ARHGAP8: variants seen among roughly 807,000 people sequenced by gnomAD.
ARHGAP8 encodes the protein rho GTPase-activating protein 8.
ARHGAP8 carries 62 observed loss-of-function variants against 46.1 expected under a neutral mutation model. The ratio of observed to expected loss-of-function variants is 1.34; its 90% CI spans 1.10 to 1.66. The LOEUF is 1.66. Ranked by LOEUF, ARHGAP8 falls within the 40% of genes most tolerant of loss-of-function variation. The probability of loss-of-function intolerance (pLI) is 0.00; values close to 1 mark genes in which losing one functional copy is unlikely to be tolerated. For synonymous variants in ARHGAP8, 375 were observed against 243.1 expected (o/e 1.54, Z -5.05); for missense variants, 923 against 568.4 (o/e 1.62, Z -6.34).
Position 44,838,140 on chromosome 22 carries a change from AT to A in ARHGAP8, c.597-7115del, listed in dbSNP as rs61131873. Among the ~76,000 whole-genome samples, 445 of 143,256 alleles carry A rather than the reference AT, an allele frequency of 3.1e-3. 2 individuals carry two copies. Among genetic ancestry groups the A allele is most frequent in the Middle Eastern group, 7.2e-3 (2 of 278 alleles). 94.0% of individuals were successfully genotyped at this position (143,256 alleles called of 152,430 possible). On this transcript the variant is annotated intron_variant, in intron 7 of 11. Coordinates refer to ENST00000356099, the MANE Select transcript of ARHGAP8 (RefSeq NM_181335.3). Reference sequence around the variant, plus strand: ...AGGAGTGCGCCACCATGCCTGGCTAATTTTTTTTTTTTTTGAAGACGGAGTC... The same window carrying A: ...AGGAGTGCGCCACCATGCCTGGCTAATTTTTTTTTTTTTGAAGACGGAGTC...
intron 2 of ARHGAP8, 96 bp from the exon 3 acceptor site, chr22:44,801,981 C>A (rs564755138): frequency 6.8e-7 from 1 of 1,464,010 alleles, no homozygotes; most frequent in South Asian, 1.2e-5. Context: ...CCTCCCAGCT[C>A]GGGCTGGACT....
rs117192128 is a variant in ARHGAP8 at position 44,776,497 on chromosome 22, A to G, written c.-71-9960A>G. On this transcript the variant is annotated intron_variant, in intron 1 of 11. Coordinates refer to ENST00000356099, the MANE Select transcript of ARHGAP8 (RefSeq NM_181335.3). ...AGTAGGCATCCTTGTACTTGTTAAA[A>G]TTATTCCTGTGTCTCCACTGTGGTG... Among the ~76,000 whole-genome samples, 970 of 152,304 alleles carry G rather than the reference A, an allele frequency of 6.4e-3. 6 individuals are homozygous for G. The highest frequency in any genetic ancestry group is 0.02 in the Middle Eastern group (6 of 294).
intron 1 of ARHGAP8, chr22:44,777,142 ACT>A (rs1385928948): frequency 2.0e-5 from 3 of 151,670 alleles, no homozygotes; most frequent in Non-Finnish European, 4.4e-5. Context: ...CTCCCGTAAC[ACT>A]CTGCTATTCT....
At chr22:44,812,432 C>T (rs1448208547) in intron 4 of ARHGAP8, among the ~76,000 whole-genome samples, 2 of 150,470 alleles carry the variant, frequency 1.3e-5, no homozygotes, top group Admixed American at 6.7e-5. Flanking sequence ...TCTTGGCTCA[C>T]GGCAACCTCT....
intron 5 of ARHGAP8, among the ~76,000 whole-genome samples, chr22:44,819,036 G>A (rs779691347): frequency 2.0e-5 from 3 of 151,994 alleles, no homozygotes; most frequent in Non-Finnish European, 2.9e-5. Flanking sequence ...AATGTTAGCT[G>A]CTAGTACTGT....
intron 7 of ARHGAP8, among the ~76,000 whole-genome samples, chr22:44,836,186 T>A (rs1300108891): frequency 6.6e-6 from 1 of 152,090 alleles, no homozygotes. Flanking sequence ...CTCCACCTCA[T>A]ACCAAATCAC....
intron 2 of ARHGAP8, among the ~76,000 whole-genome samples, chr22:44,792,746 T>C (rs1927784377): frequency 6.6e-6 from 1 of 151,998 alleles, no homozygotes; most frequent in East Asian, 1.9e-4. Context: ...TGAGTGACCA[T>C]ATGCTTGGCC....
At chr22:44,789,106 G>A (rs962605442) in intron 2 of ARHGAP8, among the ~76,000 whole-genome samples, 7 of 152,034 alleles carry the variant, frequency 4.6e-5, no homozygotes, top group Admixed American at 1.3e-4. Context: ...AGTTCAGTCC[G>A]TTTTTGCTTC....
intron 1 of ARHGAP8, among the ~76,000 whole-genome samples, chr22:44,775,233 C>A (rs1286785086): frequency 6.6e-6 from 1 of 152,204 alleles, no homozygotes; most frequent in Non-Finnish European, 1.5e-5. Flanking sequence ...TTTTCATACT[C>A]AGCACCAGCG....
intron 4 of ARHGAP8, among the ~76,000 whole-genome samples, chr22:44,810,832 G>A (rs1929281761): frequency 6.6e-6 from 1 of 152,164 alleles, no homozygotes; most frequent in Non-Finnish European, 1.5e-5. Context: ...AAGGAGGGAG[G>A]GGCACAGAGG....
intron 2 of ARHGAP8, among the ~76,000 whole-genome samples, chr22:44,792,021 C>CT (rs748389226): frequency 1.2e-4 from 9 of 78,132 alleles, no homozygotes; most frequent in African/African-American, 2.6e-4. Context: ...TTCTTTCTTT[C>CT]TTTTTTTTTT....
intron 7 of ARHGAP8, among the ~76,000 whole-genome samples, chr22:44,830,703 A>AT (rs1356458842): frequency 6.6e-6 from 1 of 151,122 alleles, no homozygotes; most frequent in African/African-American, 2.4e-5. Context: ...TGCCCAACTA[A>AT]TTTTTTTGTA....
chr22:44,841,429 C>T (rs566734693), intron 7 of ARHGAP8, among the ~76,000 whole-genome samples: 1 of 152,194 alleles, frequency 6.6e-6, no homozygotes, highest in Non-Finnish European at 1.5e-5. Context: ...GCAGAGGTGT[C>T]GAGTAGCTCT....
intron 1 of ARHGAP8, 139 bp from the exon 2 acceptor site, chr22:44,786,318 T>C (rs1156502185): frequency 4.0e-6 from 4 of 1,007,092 alleles, no homozygotes; most frequent in Non-Finnish European, 5.5e-6. Context: ...GGGCGCGTAG[T>C]GGGTGCACGG....
intron 8 of ARHGAP8, among the ~76,000 whole-genome samples, chr22:44,847,359 C>T (rs2301420): frequency 0.37 from 56,995 of 152,202 alleles, 10,932 homozygotes; most frequent in African/African-American, 0.38. Context: ...AATTGCCCAA[C>T]TGAACTTGGA....
chr22:44,849,229 A>T, intron 10 of ARHGAP8, 169 bp downstream of exon 10: 1 of 1,272,328 alleles, frequency 7.9e-7, no homozygotes, highest in Non-Finnish European at 1.1e-6. Context: ...GGCTGCCCCC[A>T]CCATGCACAG....
At chr22:44,831,337 T>C (rs571160661) in intron 7 of ARHGAP8, among the ~76,000 whole-genome samples, 1 of 152,342 alleles carries the variant, frequency 6.6e-6, no homozygotes, top group South Asian at 2.1e-4. Context: ...AGTAGATTTT[T>C]CTACATGTTG....
chr22:44,822,331 C>T (rs12167371), intron 5 of ARHGAP8, 40 bp from the exon 6 acceptor site: 28,092 of 1,549,528 alleles, frequency 0.018, 308 homozygotes, highest in Non-Finnish European at 0.022. Flanking sequence ...TCTCTGCTGG[C>T]GCCTAATCGT....
chr22:44,848,171 C>G, intron 9 of ARHGAP8, 121 bp downstream of exon 9: 1 of 1,396,772 alleles, frequency 7.2e-7, no homozygotes, highest in Non-Finnish European at 9.7e-7. Context: ...CCAGAAAACA[C>G]TCAGGGTGGG....
Sources: allele counts gnomAD v4.1 joint callset (sites outside exome capture counted in the v4.1 genomes callset), GRCh38; gene constraint gnomAD v4.1.1; transcripts MANE v1.5; gene names NCBI Gene and HGNC (gene_info 2026-07-23, HGNC 2026-07-21).